SPAG16: variants seen among roughly 807,000 people sequenced by gnomAD.
The protein encoded by SPAG16 is sperm-associated antigen 16 protein.
A neutral mutation model predicts 80.4 loss-of-function variants in SPAG16; 86 were observed. The observed-to-expected ratio is 1.07, with a 90% confidence interval of 0.90 to 1.28. The LOEUF is 1.28. Among genes scored for constraint, SPAG16 ranks in the 50% most tolerant of loss-of-function variants. SPAG16 has a pLI of 0.00. For missense variants in SPAG16, 870 were observed against 765.3 expected, an observed-to-expected ratio of 1.14 and a Z score of -1.61; for synonymous variants, 294 against 265.9, an observed-to-expected ratio of 1.11 and a Z score of -1.03.
intron 10 of SPAG16, among the ~76,000 whole-genome samples, chr2:213,625,435 G>A (rs867558501): frequency 4.0e-5 from 6 of 151,894 alleles, no homozygotes; most frequent in South Asian, 4.2e-4. Flanking sequence ...TATATATACC[G>A]ACTATGTACC....
intron 15 of SPAG16, among the ~76,000 whole-genome samples, chr2:214,197,690 A>G (rs141410090): frequency 1.9e-4 from 29 of 152,120 alleles, no homozygotes; most frequent in African/African-American, 7.0e-4. Context: ...TTTTTGTTTC[A>G]TCAGAGTTCT....
intron 3 of SPAG16, among the ~76,000 whole-genome samples, chr2:213,305,097 GGTTAA>G (rs747831308): frequency 6.6e-6 from 1 of 151,910 alleles, no homozygotes; most frequent in Non-Finnish European, 1.5e-5. Context: ...TCACTTGATT[GGTTAA>G]GTTAACTTCT....
chr2:213,493,852 T>A (rs2074367344), intron 10 of SPAG16, among the ~76,000 whole-genome samples: 1 of 152,220 alleles, frequency 6.6e-6, no homozygotes, highest in Admixed American at 6.5e-5. Flanking sequence ...TTTCCTCATA[T>A]CCTGCTCATT....
At chr2:213,592,981 ACCAC>A (rs2060756559) in intron 10 of SPAG16, among the ~76,000 whole-genome samples, 1 of 151,892 alleles carries the variant, frequency 6.6e-6, no homozygotes, top group South Asian at 2.1e-4. Flanking sequence ...TTTAGTAAAT[ACCAC>A]CCCCACCCCA....
At chr2:213,703,702 A>G (rs2065607590) in intron 10 of SPAG16, among the ~76,000 whole-genome samples, 1 of 152,208 alleles carries the variant, frequency 6.6e-6, no homozygotes. Flanking sequence ...AGCGGAGGTC[A>G]TGCTCTCCTC....
At chr2:214,223,690 C>A (rs1289073753) in intron 15 of SPAG16, among the ~76,000 whole-genome samples, 1 of 151,940 alleles carries the variant, frequency 6.6e-6, no homozygotes, top group Non-Finnish European at 1.5e-5. Context: ...AATTATAATT[C>A]TTAAAATATT....
chr2:213,928,846 T>C (rs2078614534), intron 11 of SPAG16, among the ~76,000 whole-genome samples: 1 of 151,074 alleles, frequency 6.6e-6, no homozygotes, highest in Non-Finnish European at 1.5e-5. Context: ...TTAAAAAGCA[T>C]GCAATGCAGA....
intron 15 of SPAG16, among the ~76,000 whole-genome samples, chr2:214,316,715 A>G (rs1695721800): frequency 6.6e-6 from 1 of 152,104 alleles, no homozygotes; most frequent in African/African-American, 2.4e-5. Context: ...GTTTTCTTCA[A>G]TTTTTTATCT....
At chr2:214,274,216 A>C (rs1400394626) in intron 15 of SPAG16, among the ~76,000 whole-genome samples, 4 of 151,746 alleles carry the variant, frequency 2.6e-5, no homozygotes, top group African/African-American at 7.3e-5. Context: ...TGAGCTTTCT[A>C]ATATACAATC....
chr2:214,210,041 C>T (rs559834223), intron 15 of SPAG16, among the ~76,000 whole-genome samples: 123 of 152,086 alleles, frequency 8.1e-4, no homozygotes, highest in African/African-American at 2.8e-3. Context: ...AATCAATATG[C>T]CCTCCTACAT....
rs1172976272 is a variant in SPAG16 at position 213,643,400 on chromosome 2, A to G, written c.1070+153310A>G. ...TATATATATATATATATATATATAT[A>G]TATATATATATTTTATCTCTTGCTG... On this transcript the variant is annotated intron_variant, in intron 10 of 15. Coordinates refer to ENST00000331683, the MANE Select transcript of SPAG16 (RefSeq NM_024532.5). Among the ~76,000 whole-genome samples the G allele has an allele frequency of 4.6e-3, 205 of 44,450 alleles. 2 individuals are homozygous for G. The highest frequency in any genetic ancestry group is 0.014 in the Middle Eastern group (1 of 70). 29.2% of individuals were successfully genotyped at this position (44,450 alleles called of 152,430 possible).
At position 213,300,624 on chromosome 2, in the gene SPAG16, T is replaced by C. The variant is rs183047622; in HGVS notation, c.279+3267T>C. On this transcript the variant is annotated intron_variant, in intron 3 of 15. Transcript: ENST00000331683. ...TTGTAAAAATTTGTAACAGTGTCAC[T>C]CTTCTCATTAGTTCTTTTTCTGTTT... 6.6e-5 allele frequency among the ~76,000 whole-genome samples: 10 copies of C among 152,342 alleles called. No homozygotes were observed. In the East Asian group the frequency reaches 1.9e-3, roughly 29 times the overall value.
chr2:213,671,595 A>G (rs2063814378), intron 10 of SPAG16, among the ~76,000 whole-genome samples: 1 of 152,134 alleles, frequency 6.6e-6, no homozygotes, highest in Non-Finnish European at 1.5e-5. Flanking sequence ...CCCTCCTTCC[A>G]ACTTCAACTA....
At chr2:214,037,690 A>G (rs1376398653) in intron 13 of SPAG16, among the ~76,000 whole-genome samples, 9 of 152,064 alleles carry the variant, frequency 5.9e-5, no homozygotes, top group Admixed American at 5.2e-4. Flanking sequence ...AAAAGTGTCT[A>G]CTATGTTATT....
intron 10 of SPAG16, among the ~76,000 whole-genome samples, chr2:213,560,638 T>G (rs1347665951): frequency 3.3e-5 from 5 of 152,190 alleles, no homozygotes; most frequent in African/African-American, 1.2e-4. Flanking sequence ...TGATATAAGT[T>G]GTATGTTTTC....
chr2:214,316,315 A>G (rs116493437), intron 15 of SPAG16, among the ~76,000 whole-genome samples: 292 of 152,300 alleles, frequency 1.9e-3, no homozygotes, highest in African/African-American at 6.4e-3. Context: ...GAGATACCAT[A>G]AGAGGCAATT....
At chr2:214,007,546 G>T (rs2047085157) in intron 12 of SPAG16, among the ~76,000 whole-genome samples, 1 of 152,034 alleles carries the variant, frequency 6.6e-6, no homozygotes, top group Non-Finnish European at 1.5e-5. Context: ...CAGCCTTTCT[G>T]GTAGAAAACA....
chr2:214,125,828 C>A (rs946051153), intron 14 of SPAG16, among the ~76,000 whole-genome samples: 20 of 151,358 alleles, frequency 1.3e-4, no homozygotes, highest in African/African-American at 4.4e-4. Context: ...GACATGGGAG[C>A]CTTCAGGAAT....
chr2:213,367,638 G>GT (rs1482999081), intron 8 of SPAG16, among the ~76,000 whole-genome samples: 1 of 151,706 alleles, frequency 6.6e-6, no homozygotes, highest in Non-Finnish European at 1.5e-5. Flanking sequence ...GGGGTTGTTT[G>GT]TTTTTTTCTT....
Sources: allele counts gnomAD v4.1 joint callset (sites outside exome capture counted in the v4.1 genomes callset), GRCh38; gene constraint gnomAD v4.1.1; transcripts MANE v1.5; gene names NCBI Gene and HGNC (gene_info 2026-07-23, HGNC 2026-07-21).